The following ABCD4 variants were observed in gnomAD, a reference collection of about 807,000 sequenced individuals.
ABCD4 encodes ATP binding cassette subfamily D member 4.
Under a neutral mutation model 86.3 loss-of-function variants are expected in ABCD4, and 53 were observed. The ratio of observed to expected loss-of-function variants is 0.61; its 90% confidence interval spans 0.49 to 0.77. ABCD4 has a LOEUF of 0.77. Ranked by LOEUF, ABCD4 falls within the 30% of genes least tolerant of loss-of-function variation. ABCD4 has a pLI of 0.00. For synonymous variants in ABCD4, 328 were observed against 313.6 expected (o/e 1.05, Z -0.49); for missense variants, 757 against 764.5 (o/e 0.99, Z 0.12).
chr14:74,299,481 C>G, intron 3 of ABCD4, 67 bp downstream of exon 3: 1 of 1,586,076 alleles, frequency 6.3e-7, no homozygotes. Context: ...AGGCTAAGTT[C>G]CACTAGGCAT....
chr14:74,302,506 G>T (rs919673994), intron 1 of ABCD4, among the ~76,000 whole-genome samples: 1 of 152,202 alleles, frequency 6.6e-6, no homozygotes, highest in African/African-American at 2.4e-5. Flanking sequence ...AACGAAGAGA[G>T]GAAGTGATAA....
intron 4 of ABCD4, chr14:74,297,686 A>C: frequency 8.5e-7 from 1 of 1,181,048 alleles, no homozygotes; most frequent in Non-Finnish European, 1.0e-6. Context: ...CAGCCTCCTG[A>C]GTTGTTGGGA....
intron 18 of ABCD4, 34 bp downstream of exon 18, chr14:74,286,667 C>T (rs1417828938): frequency 6.2e-7 from 1 of 1,613,624 alleles, no homozygotes; most frequent in Non-Finnish European, 8.5e-7. Flanking sequence ...TGGGTTCTTT[C>T]TCCTCCTCAG....
chr14:74,295,118 G>GCAGAAGGGGAACCATCTCTC (rs1265722003), intron 7 of ABCD4, 30 bp downstream of exon 7: 1 of 1,613,286 alleles, frequency 6.2e-7, no homozygotes, highest in East Asian at 2.2e-5. Context: ...CTCTGGCAAG[G>GCAGAAGGGGAACCATCTCTC]CAGAAGGGGA....
At chr14:74,297,703 G>A (rs1264657315) in intron 4 of ABCD4, 7 of 1,248,132 alleles carry the variant, frequency 5.6e-6, no homozygotes, top group African/African-American at 1.6e-5. Context: ...GGGACTACAG[G>A]TGCATGCCAC....
Position 74,286,379 on chromosome 14 carries a change from G to T in ABCD4, c.*82C>A. On this transcript the variant is annotated 3_prime_UTR_variant, in exon 19 of 19. Transcript: ENST00000356924. The stretch of plus-strand genomic sequence containing the variant: ...GGATCTATGTGGCGAACCTGAGCTC[G>T]ATCTTCGCTGTCAGTCCTCCTGGTC... 2.7e-6 allele frequency: 4 copies of T among 1,488,916 alleles called. No homozygotes were observed. The highest frequency in any genetic ancestry group is 3.7e-6 in the Non-Finnish European group (4 of 1,070,688). 92.2% of individuals were successfully genotyped at this position (1,488,916 alleles called of 1,614,324 possible). A position where few individuals can be genotyped will look rare whatever the true frequency, so the allele number is the denominator to read the frequency against.
In ABCD4 at chr14:74,297,793, C is replaced by T. The variant is rs548203923; in HGVS notation, c.425+137G>A. On this transcript the variant is annotated intron_variant, in intron 4 of 18. Coordinates refer to ENST00000356924, the MANE Select transcript of ABCD4 (RefSeq NM_005050.4). ...CCAGGAGTCCTCTGCAGGGCACCCT[C>T]CCCCATGACTCTGGGCAGCAGCATT... The T allele has an allele frequency of 4.9e-6, 7 of 1,420,340 alleles. No individual in the cohort carries two copies. The African/African-American group carries it at 7.2e-5, about 15-fold the overall frequency. The allele number at this position is 1,420,340 out of a possible 1,614,324, so 88.0% of individuals were successfully genotyped here.
chr14:74,288,906 G>T (rs867765583), intron 14 of ABCD4, 141 bp from the exon 15 acceptor site: 16 of 1,105,964 alleles, frequency 1.4e-5, no homozygotes, highest in South Asian at 6.3e-5. Context: ...AAGGTCAGGA[G>T]ATGGAGACCA....
In ABCD4 at chr14:74,297,972, G is replaced by A. The variant is rs61744947; in HGVS notation, c.383C>T (p.Ala128Val). The change falls in exon 4 of 19, where the codon GCG becomes GTG. Residue 128 changes from alanine to valine, a missense_variant. Ala to Val is a moderately conservative substitution (Grantham distance 64, BLOSUM62 0). Coordinates refer to ENST00000356924, the MANE Select transcript of ABCD4 (RefSeq NM_005050.4). ...HLHRLYFRGR[A>V]YYTLNVLRDD... ...CCGCAGCACGTTGAGGGTGTAGTACGCACGGCCCCGGAAGTAGAGGCGGTG... is the reference window on the plus strand; with the variant it reads ...CCGCAGCACGTTGAGGGTGTAGTACACACGGCCCCGGAAGTAGAGGCGGTG... 0.012 allele frequency: 19,688 copies of A among 1,613,966 alleles called. 2,020 individuals carry two copies. The African/African-American group carries it at 0.23, about 19-fold the overall frequency.
chr14:74,291,695 G>A lies in ABCD4; in HGVS notation c.1118+592C>T, dbSNP rs1433573042. Among the ~76,000 whole-genome samples the A allele has an allele frequency of 4.6e-5, 7 of 152,308 alleles. No homozygotes were observed. The East Asian group carries it at 1.2e-3, about 25-fold the overall frequency. ...TCCTAAGAAAAGCAAGTTGAGTGTA[G>A]GCCCTGGAATTCAGACTGATTTTTG... On this transcript the variant is annotated intron_variant, in intron 11 of 18. Transcript: ENST00000356924.
At chr14:74,299,434 G>C (rs750095253) in intron 3 of ABCD4, 114 bp downstream of exon 3, 14 of 1,357,974 alleles carry the variant, frequency 1.0e-5, no homozygotes, top group Non-Finnish European at 1.4e-5. Context: ...AGAAAAGGGA[G>C]GAAACACACC....
rs140816225 is a variant in ABCD4 at position 74,287,622 on chromosome 14, G to T, written c.1636+188C>A. On this transcript the variant is annotated intron_variant, in intron 17 of 18. Transcript: ENST00000356924. Reference sequence around the variant, plus strand: ...AGCAAGCTTATGAGCTGGCAGTACCGCATATTCAGTGTTAACTCTGACGAT... The same window carrying T: ...AGCAAGCTTATGAGCTGGCAGTACCTCATATTCAGTGTTAACTCTGACGAT... Among the ~76,000 whole-genome samples the T allele has an allele frequency of 4.0e-3, 591 of 149,456 alleles. 4 individuals carry two copies. The highest frequency in any genetic ancestry group is 0.024 in the Middle Eastern group (7 of 292).
At chr14:74,297,694 G>A (rs958908560) in intron 4 of ABCD4, 15 of 1,201,370 alleles carry the variant, frequency 1.2e-5, no homozygotes, top group Non-Finnish European at 1.4e-5. Context: ...TGAGTTGTTG[G>A]GACTACAGGT....
chr14:74,296,231 G>C, intron 5 of ABCD4, 102 bp downstream of exon 5: 1 of 1,267,452 alleles, frequency 7.9e-7, no homozygotes, highest in East Asian at 2.3e-5. Context: ...GGTAAGGTAC[G>C]GTGGGAGAGA....
chr14:74,297,051 GGTGA>G (rs2083052750), intron 4 of ABCD4: 3 of 152,678 alleles, frequency 2.0e-5, no homozygotes, highest in South Asian at 4.1e-4. Context: ...CTAGGAAGGT[GGTGA>G]GTGAGGGGAT....
intron 15 of ABCD4, 21 bp downstream of exon 15, chr14:74,288,695 A>C (rs1366244547): frequency 1.9e-6 from 3 of 1,612,340 alleles, no homozygotes; most frequent in Non-Finnish European, 2.5e-6. Context: ...TCGGGTCCTG[A>C]GGGTCCCTCT....
intron 9 of ABCD4, 46 bp from the exon 10 acceptor site, chr14:74,292,688 C>T (rs1361635661): frequency 6.2e-7 from 1 of 1,613,802 alleles, no homozygotes; most frequent in African/African-American, 1.3e-5. Flanking sequence ...CTCGAGCCCA[C>T]AGACACTGGG....
intron 7 of ABCD4, chr14:74,294,863 C>T: frequency 2.1e-6 from 1 of 473,396 alleles, no homozygotes; most frequent in Non-Finnish European, 3.8e-6. Context: ...CTTACAGTCA[C>T]CAGCAAGAGG....
intron 2 of ABCD4, 87 bp downstream of exon 2, chr14:74,300,063 C>CAAA (rs10557205): frequency 4.1e-4 from 136 of 328,888 alleles, no homozygotes; most frequent in Non-Finnish European, 4.8e-4. Context: ...AACTCTGTCT[C>CAAA]AAAAAAAAAA....
Sources: gnomAD v4.1 joint callset for allele counts (sites outside exome capture counted in the v4.1 genomes callset) on GRCh38, gnomAD v4.1.1 for gene constraint, MANE v1.5 for transcripts, NCBI Gene and HGNC (gene_info 2026-07-23, HGNC 2026-07-21) for gene names.